Variants in SLC28A1 observed in about 807,000 individuals in gnomAD.
SLC28A1 encodes the protein solute carrier family 28 member 1, also known as sodium/nucleoside cotransporter 1.
Under a neutral mutation model 74.8 loss-of-function variants are expected in SLC28A1, and 64 were observed. The ratio of observed to expected loss-of-function variants is 0.86; its 90% CI spans 0.70 to 1.05. The LOEUF (loss-of-function observed/expected upper bound fraction) is 1.05, where lower values mean the gene tolerates loss of function less well. Among genes scored for constraint, SLC28A1 ranks in the 50% least tolerant of loss-of-function variants. The pLI is 0.00. For missense variants in SLC28A1, 828 were observed against 822.8 expected, an observed-to-expected ratio of 1.01 and a Z score of -0.08; for synonymous variants, 359 against 335.0, an observed-to-expected ratio of 1.07 and a Z score of -0.78.
intron 9 of SLC28A1, among the ~76,000 whole-genome samples, chr15:84,916,263 A>T (rs1969092875): frequency 1.2e-5 from 1 of 86,758 alleles, no homozygotes; most frequent in African/African-American, 5.6e-5. Flanking sequence ...TTTTTCAAAC[A>T]TGGGGTCTTA....
Position 84,943,433 on chromosome 15 carries a change from C to A in SLC28A1, c.1582-12C>A, listed in dbSNP as rs200223044. ...AGGGGAGCCCCTCCTCATGCATCTT[C>A]TGTATTTTCAGGTCAGAGCTGAAGT... On this transcript the variant is annotated splice_polypyrimidine_tract_variant and intron_variant, in intron 15 of 18. Coordinates refer to ENST00000394573, the MANE Select transcript of SLC28A1 (RefSeq NM_004213.5). 4 of 1,610,372 alleles carry A rather than the reference C, an allele frequency of 2.5e-6. No individual in the cohort carries two copies. In the Admixed American group the frequency reaches 5.0e-5, roughly 20 times the overall value.
At chr15:84,900,599 G>A (rs146227602) in intron 6 of SLC28A1, among the ~76,000 whole-genome samples, 1 of 152,136 alleles carries the variant, frequency 6.6e-6, no homozygotes, top group East Asian at 1.9e-4. Context: ...AGGAGTTTGA[G>A]ACCAGCCCGA....
At chr15:84,932,362 C>T (rs1041999457) in intron 12 of SLC28A1, among the ~76,000 whole-genome samples, 2 of 152,144 alleles carry the variant, frequency 1.3e-5, no homozygotes, top group Non-Finnish European at 2.9e-5. Flanking sequence ...GGTTTGGGGT[C>T]CCAGTGAAGA....
chr15:84,962,991 G>C, the SLC28A1 span, among the ~76,000 whole-genome samples: 2 of 152,164 alleles, frequency 1.3e-5, no homozygotes, highest in African/African-American at 4.8e-5. Flanking sequence ...AGGCTGGGAT[G>C]ATGGATGTTC....
Position 84,935,093 on chromosome 15 carries a change from A to G in SLC28A1, c.1282A>G (p.Ile428Val), listed in dbSNP as rs374687188. The G allele has an allele frequency of 1.1e-5, 18 of 1,614,066 alleles. No individual in the cohort carries two copies. The highest frequency in any genetic ancestry group is 1.5e-5 in the Non-Finnish European group (18 of 1,179,920). Reference protein sequence around the residue: ...AAISVKVVANIAANLIAFLAV... With the variant: ...AAISVKVVANVAANLIAFLAV... ...CATCTCCGTGAAGGTGGTCGCCAAC[A>G]TCGCTGCCAACCTGATTGCGTTCCT... The change falls in exon 14 of 19, where the codon ATC becomes GTC. Residue 428 changes from isoleucine (I) to valine (V), a missense_variant. By Grantham distance (29) the Ile-to-Val change is conservative. Transcript: ENST00000394573.
intron 8 of SLC28A1, 69 bp from the exon 9 acceptor site, chr15:84,908,649 C>T (rs1004063358): frequency 3.7e-5 from 50 of 1,359,730 alleles, no homozygotes; most frequent in Admixed American, 1.2e-4. Context: ...TGTCTCTGGC[C>T]GCTGCTTCCT....
At chr15:84,951,439 TAA>T in the SLC28A1 span, among the ~76,000 whole-genome samples, 5 of 116,170 alleles carry the variant, frequency 4.3e-5, no homozygotes, top group Admixed American at 2.3e-4. Context: ...AAAAAATAAT[TAA>T]AAAAAAAAAA....
intron 12 of SLC28A1, among the ~76,000 whole-genome samples, chr15:84,928,527 G>GTTCGTTCTTTCT (rs1477267970): frequency 6.4e-5 from 3 of 47,176 alleles, no homozygotes; most frequent in Non-Finnish European, 1.2e-4. Flanking sequence ...AGGTTCGTTC[G>GTTCGTTCTTTCT]TTCTTTCTTT....
chr15:84,967,401 C>T, the SLC28A1 span, among the ~76,000 whole-genome samples: 10 of 152,182 alleles, frequency 6.6e-5, no homozygotes, highest in Non-Finnish European at 2.9e-5. Context: ...GGGTTTCCTT[C>T]CTAAAAAACA....
At chr15:84,974,890 TG>T in the SLC28A1 span, among the ~76,000 whole-genome samples, 1 of 152,268 alleles carries the variant, frequency 6.6e-6, no homozygotes, top group East Asian at 1.9e-4. Context: ...GAGGAACTTC[TG>T]GGGCCTCAGC....
downstream of SLC28A1, among the ~76,000 whole-genome samples, chr15:84,946,091 T>TAC (rs2070506582): frequency 7.0e-5 from 1 of 14,266 alleles, no homozygotes; most frequent in Non-Finnish European, 1.8e-4. Context: ...TGTTCATATA[T>TAC]ATATATATAT....
At chr15:84,964,224 T>C in the SLC28A1 span, among the ~76,000 whole-genome samples, 1 of 148,226 alleles carries the variant, frequency 6.7e-6, no homozygotes, top group Non-Finnish European at 1.5e-5. Context: ...TAGGGCTTGA[T>C]GTCTAGTGAG....
chr15:84,918,719 C>T (rs974600643), intron 10 of SLC28A1, 115 bp downstream of exon 10: 2 of 816,200 alleles, frequency 2.5e-6, no homozygotes, highest in South Asian at 1.3e-5. Context: ...ACACTGCTCC[C>T]CAAGCCCACA....
At chr15:84,885,731 C>CAAAA (rs34688568) in intron 1 of SLC28A1, among the ~76,000 whole-genome samples, 4 of 104,354 alleles carry the variant, frequency 3.8e-5, no homozygotes, top group African/African-American at 7.2e-5. Context: ...AACTCCGTCT[C>CAAAA]AAAAAAAAAA....
chr15:84,886,327 G>C, intron 1 of SLC28A1: 1 of 984,478 alleles, frequency 1.0e-6, no homozygotes, highest in Non-Finnish European at 1.2e-6. Flanking sequence ...CAAAATGAAA[G>C]ATAAAATGCA....
At chr15:84,920,777 C>T (rs915747300) in intron 10 of SLC28A1, among the ~76,000 whole-genome samples, 2 of 151,138 alleles carry the variant, frequency 1.3e-5, no homozygotes, top group Non-Finnish European at 2.9e-5. Flanking sequence ...TGCATTCCTA[C>T]GGTGAAATGA....
intron 12 of SLC28A1, among the ~76,000 whole-genome samples, chr15:84,928,575 T>TCTCTCTCC (rs1970823901): frequency 4.0e-5 from 1 of 24,714 alleles, no homozygotes; most frequent in African/African-American, 3.8e-4. Flanking sequence ...TCTTTCTTTC[T>TCTCTCTCC]TTCTTTCTTT....
At chr15:84,937,726 A>G (rs1383907509) in intron 15 of SLC28A1, among the ~76,000 whole-genome samples, 1 of 151,440 alleles carries the variant, frequency 6.6e-6, no homozygotes, top group Non-Finnish European at 1.5e-5. Flanking sequence ...ACATAGCGAA[A>G]CCCCTTCTCT....
At chr15:84,909,128 C>T (rs1411238427) in intron 9 of SLC28A1, among the ~76,000 whole-genome samples, 2 of 152,126 alleles carry the variant, frequency 1.3e-5, no homozygotes, top group East Asian at 3.8e-4. Context: ...ACAGCTCCTG[C>T]TGAGACCTTA....
Sources: gnomAD v4.1 joint callset for allele counts (sites outside exome capture counted in the v4.1 genomes callset) on GRCh38, gnomAD v4.1.1 for gene constraint, MANE v1.5 for transcripts, NCBI Gene and HGNC (gene_info 2026-07-23, HGNC 2026-07-21) for gene names.